The following PCDH9 variants were observed in gnomAD, a reference collection of about 807,000 sequenced individuals.
PCDH9 encodes the protein protocadherin 9.
Under a neutral mutation model 70.6 loss-of-function variants are expected in PCDH9, and 24 were observed. The ratio of observed to expected loss-of-function variants is 0.34; its 90% CI spans 0.25 to 0.48. The LOEUF is 0.48. PCDH9 is among the 20% of genes least tolerant of loss of function. PCDH9 has a pLI of 0.99. For missense variants in PCDH9, 1,281 were observed against 1,503.6 expected, an observed-to-expected ratio of 0.85 and a Z score of 2.45; for synonymous variants, 562 against 558.5, an observed-to-expected ratio of 1.01 and a Z score of -0.09.
intron 3 of PCDH9, among the ~76,000 whole-genome samples, chr13:66,887,996 T>C (rs1213543847): frequency 1.3e-5 from 2 of 152,250 alleles, no homozygotes; most frequent in African/African-American, 4.8e-5. Flanking sequence ...ACATATTTTC[T>C]AGTTTTTGAA....
intron 4 of PCDH9, among the ~76,000 whole-genome samples, chr13:66,459,800 C>T (rs534848804): frequency 1.3e-5 from 2 of 152,004 alleles, no homozygotes; most frequent in African/African-American, 4.8e-5. Flanking sequence ...ATTCTAGATT[C>T]AATACAGTTA....
intron 2 of PCDH9, among the ~76,000 whole-genome samples, chr13:67,186,537 T>G (rs1029452577): frequency 1.7e-4 from 26 of 152,190 alleles, no homozygotes; most frequent in African/African-American, 6.0e-4. Flanking sequence ...TGCTTCTGGT[T>G]CATGGGTAGA....
intron 2 of PCDH9, among the ~76,000 whole-genome samples, chr13:67,187,104 C>T (rs2088778781): frequency 1.3e-5 from 2 of 152,166 alleles, no homozygotes; most frequent in South Asian, 4.1e-4. Context: ...TTATATCTAA[C>T]CTATCCCCCA....
intron 3 of PCDH9, among the ~76,000 whole-genome samples, chr13:66,780,003 A>C (rs2139296084): frequency 6.6e-6 from 1 of 151,736 alleles, no homozygotes; most frequent in East Asian, 1.9e-4. Flanking sequence ...AGAGGTATGT[A>C]GAATAATCAA....
At chr13:66,530,059 G>A (rs995222283) in intron 4 of PCDH9, among the ~76,000 whole-genome samples, 2 of 151,918 alleles carry the variant, frequency 1.3e-5, no homozygotes, top group Admixed American at 1.3e-4. Flanking sequence ...TTGTTACATT[G>A]ATATTTTGTA....
chr13:66,800,384 C>T (rs920079862), intron 3 of PCDH9, among the ~76,000 whole-genome samples: 23 of 152,094 alleles, frequency 1.5e-4, no homozygotes, highest in African/African-American at 5.3e-4. Flanking sequence ...CTTTGCCCTA[C>T]CCCCACTAGC....
intron 3 of PCDH9, among the ~76,000 whole-genome samples, chr13:66,900,462 T>C (rs1251159770): frequency 6.6e-6 from 1 of 151,996 alleles, no homozygotes; most frequent in East Asian, 1.9e-4. Context: ...ACCCTAGCAG[T>C]ACATAAAATT....
intron 2 of PCDH9, among the ~76,000 whole-genome samples, chr13:67,113,613 T>C (rs2086700256): frequency 6.6e-6 from 1 of 152,018 alleles, no homozygotes; most frequent in Non-Finnish European, 1.5e-5. Flanking sequence ...GGTGGCGCCA[T>C]CTCGGCTCAC....
chr13:66,414,020 C>T (rs1957419897), intron 4 of PCDH9, among the ~76,000 whole-genome samples: 1 of 151,040 alleles, frequency 6.6e-6, no homozygotes, highest in Non-Finnish European at 1.5e-5. Flanking sequence ...AGAAAAGGGG[C>T]TTTTTTTTCA....
chr13:66,891,858 A>G (rs943066279), intron 3 of PCDH9, among the ~76,000 whole-genome samples: 12 of 150,426 alleles, frequency 8.0e-5, no homozygotes, highest in African/African-American at 2.9e-4. Flanking sequence ...TGCTTTTTGT[A>G]TCATCTTTAG....
intron 2 of PCDH9, among the ~76,000 whole-genome samples, chr13:67,067,395 T>C (rs1296455518): frequency 6.6e-6 from 1 of 152,252 alleles, no homozygotes; most frequent in East Asian, 1.9e-4. Context: ...CTATATAACA[T>C]ATTATGAATG....
At chr13:66,474,454 C>T (rs1290405844) in intron 4 of PCDH9, among the ~76,000 whole-genome samples, 1 of 151,924 alleles carries the variant, frequency 6.6e-6, no homozygotes, top group African/African-American at 2.4e-5. Context: ...TAGTAGCTAT[C>T]CAATAAATAT....
At chr13:66,548,320 T>C (rs34960701) in intron 4 of PCDH9, among the ~76,000 whole-genome samples, 24,306 of 151,966 alleles carry the variant, frequency 0.16, 2,355 homozygotes, top group Non-Finnish European at 0.21. Flanking sequence ...ATCCCAGCAC[T>C]TTGGGAGGCC....
At chr13:66,982,129 C>T (rs2083785310) in intron 2 of PCDH9, among the ~76,000 whole-genome samples, 3 of 152,180 alleles carry the variant, frequency 2.0e-5, no homozygotes, top group Admixed American at 2.0e-4. Flanking sequence ...CACTCACTCT[C>T]TCTCTTGCTC....
chr13:66,686,257 GA>G (rs1240315120), intron 3 of PCDH9, among the ~76,000 whole-genome samples: 17 of 152,122 alleles, frequency 1.1e-4, no homozygotes, highest in African/African-American at 3.9e-4. Context: ...GATCTCACAA[GA>G]AAACCATTTC....
At chr13:66,818,541 A>T (rs2080648583) in intron 3 of PCDH9, among the ~76,000 whole-genome samples, 1 of 152,218 alleles carries the variant, frequency 6.6e-6, no homozygotes. Context: ...TCAAGAATAT[A>T]TAAAATCAAT....
rs7333899 is a variant in PCDH9, at chr13:67,170,889, C to T, written c.3036+54516G>A. Among the ~76,000 whole-genome samples, 1,242 of 152,200 alleles carry T rather than the reference C, an allele frequency of 8.2e-3. 13 individuals are homozygous for T. The highest frequency in any genetic ancestry group is 0.027 in the African/African-American group (1,118 of 41,510). On this transcript the variant is annotated intron_variant, in intron 2 of 4. Coordinates refer to ENST00000377865, the MANE Select transcript of PCDH9 (RefSeq NM_203487.3). ...GCCGTGAGCCAAGATTGCGCCACTG[C>T]ACTCCAGCCTCAGTGACAGAGAAAG...
chr13:67,101,928 G>T (rs1448747524), intron 2 of PCDH9, among the ~76,000 whole-genome samples: 2 of 152,048 alleles, frequency 1.3e-5, no homozygotes, highest in Non-Finnish European at 2.9e-5. Flanking sequence ...CAACGCTGTT[G>T]AGTAATTGAA....
chr13:66,935,143 C>A (rs1395249894), intron 2 of PCDH9, among the ~76,000 whole-genome samples: 1 of 152,066 alleles, frequency 6.6e-6, no homozygotes, highest in Non-Finnish European at 1.5e-5. Context: ...TCACTGCAGC[C>A]TCGACACCCG....
Sources: allele counts gnomAD v4.1 joint callset (sites outside exome capture counted in the v4.1 genomes callset), GRCh38; gene constraint gnomAD v4.1.1; transcripts MANE v1.5; gene names NCBI Gene and HGNC (gene_info 2026-07-23, HGNC 2026-07-21).